The following ROR1 variants were observed in gnomAD, a reference collection of about 807,000 sequenced individuals.
ROR1 encodes ROR family WNT receptor 1.
In ROR1, 19 loss-of-function variants were observed where a neutral mutation model predicts 78.8. The ratio of observed to expected loss-of-function variants is 0.24; its 90% CI spans 0.17 to 0.35. ROR1 has a LOEUF of 0.35. Ranked by LOEUF, ROR1 falls within the 10% of genes least tolerant of loss-of-function variation. ROR1 has a pLI of 1.00. For missense variants in ROR1, 917 were observed against 1,177.8 expected (o/e 0.78, Z 3.24); for synonymous variants, 386 against 433.6 (o/e 0.89, Z 1.36).
At chr1:63,962,682 G>C (rs1274426401) in intron 1 of ROR1, among the ~76,000 whole-genome samples, 1 of 152,192 alleles carries the variant, frequency 6.6e-6, no homozygotes, top group Non-Finnish European at 1.5e-5. Flanking sequence ...CGGGAGTGGA[G>C]AGTGTCACGA....
Position 64,142,533 on chromosome 1 carries a change from C to T in ROR1, c.1057C>T (p.Pro353Ser), listed in dbSNP as rs201109068. ...ACACACTTTCACCGCCCTTCGTTTC[C>T]CAGAGCTGAATGGAGGCCATTCCTA... ...HTHTFTALRF[P>S]ELNGGHSYCR... The change falls in exon 7 of 9, where the codon CCA (proline) becomes TCA (serine). Residue 353 changes from proline (P) to serine (S), a missense_variant. By Grantham distance (74) the Pro-to-Ser change is moderately conservative. Around this residue, in one of 3 missense-constraint regions of ROR1, gnomAD observed 835 missense variants for 1,069.8 expected, o/e 0.78. Transcript: ENST00000371079. The T allele has an allele frequency of 1.2e-6, 2 of 1,614,144 alleles. No homozygotes were observed. The highest frequency in any genetic ancestry group is 8.5e-7 in the Non-Finnish European group (1 of 1,180,012).
intron 1 of ROR1, among the ~76,000 whole-genome samples, chr1:63,887,694 G>A (rs996532909): frequency 6.6e-6 from 1 of 152,048 alleles, no homozygotes; most frequent in Non-Finnish European, 1.5e-5. Context: ...ACAGTTCTTT[G>A]GGGACTGTTT....
chr1:64,016,509 TCA>T (rs1646521572), intron 2 of ROR1, among the ~76,000 whole-genome samples: 1 of 152,130 alleles, frequency 6.6e-6, no homozygotes, highest in Non-Finnish European at 1.5e-5. Flanking sequence ...CATTTGTGGT[TCA>T]CAGTTTATTT....
chr1:64,145,203 G>A (rs940133612), intron 7 of ROR1, among the ~76,000 whole-genome samples: 3 of 152,070 alleles, frequency 2.0e-5, no homozygotes, highest in African/African-American at 4.8e-5. Context: ...GGTTATAAGA[G>A]GAATAAAATG....
intron 1 of ROR1, among the ~76,000 whole-genome samples, chr1:63,923,725 G>C (rs185628182): frequency 5.4e-4 from 81 of 151,304 alleles, no homozygotes; most frequent in African/African-American, 1.8e-3. Context: ...TCATTCATTC[G>C]CTTTTGTAAA....
At chr1:64,024,833 A>G (rs1005259334) in intron 2 of ROR1, among the ~76,000 whole-genome samples, 2 of 152,178 alleles carry the variant, frequency 1.3e-5, no homozygotes, top group Non-Finnish European at 2.9e-5. Context: ...TGTCATTGTT[A>G]TTTTAAATTC....
At chr1:64,074,278 C>A (rs770172874) in intron 4 of ROR1, among the ~76,000 whole-genome samples, 1 of 152,156 alleles carries the variant, frequency 6.6e-6, no homozygotes, top group Non-Finnish European at 1.5e-5. Context: ...CTATAAACAC[C>A]TTTACCCCTC....
intron 1 of ROR1, among the ~76,000 whole-genome samples, chr1:63,896,757 TTTGGGGGGCA>T (rs1645443173): frequency 6.6e-6 from 1 of 152,070 alleles, no homozygotes; most frequent in African/African-American, 2.4e-5. Flanking sequence ...TAACCCTTGA[TTTGGGGGGCA>T]TTGGGGGGCT....
chr1:63,845,111 G>GT (rs1289859790), intron 1 of ROR1, among the ~76,000 whole-genome samples: 1 of 152,058 alleles, frequency 6.6e-6, no homozygotes, highest in African/African-American at 2.4e-5. Flanking sequence ...GGGAGTTTAT[G>GT]TTTTTTTCCC....
intron 1 of ROR1, among the ~76,000 whole-genome samples, chr1:63,878,006 T>G (rs1301983258): frequency 6.6e-6 from 1 of 152,056 alleles, no homozygotes; most frequent in Non-Finnish European, 1.5e-5. Context: ...TCCTCCTGAG[T>G]GAGTAGTGCT....
chr1:64,164,345 T>C (rs567393475), intron 8 of ROR1, among the ~76,000 whole-genome samples: 1 of 152,206 alleles, frequency 6.6e-6, no homozygotes, highest in Non-Finnish European at 1.5e-5. Context: ...AGTAGTCTGA[T>C]ACACTTCAAA....
chr1:63,985,734 T>A (rs537885184), intron 1 of ROR1, among the ~76,000 whole-genome samples: 44 of 150,868 alleles, frequency 2.9e-4, no homozygotes, highest in Admixed American at 7.9e-4. Flanking sequence ...TAATAATTAT[T>A]ATTATTTTAT....
chr1:64,151,685 C>T (rs1649626206), intron 7 of ROR1, among the ~76,000 whole-genome samples: 1 of 146,908 alleles, frequency 6.8e-6, no homozygotes, highest in African/African-American at 2.5e-5. Context: ...CCAGCCTGGC[C>T]AACATGGTGA....
chr1:63,941,282 G>C (rs1025093763), intron 1 of ROR1, among the ~76,000 whole-genome samples: 1 of 152,028 alleles, frequency 6.6e-6, no homozygotes, highest in African/African-American at 2.4e-5. Flanking sequence ...AGGGGCAAAG[G>C]GATATGGTAT....
At chr1:64,112,544 C>T (rs539197704) in intron 4 of ROR1, among the ~76,000 whole-genome samples, 6 of 152,264 alleles carry the variant, frequency 3.9e-5, no homozygotes, top group African/African-American at 9.6e-5. Context: ...TTAATTGATA[C>T]GCCCAGTGGT....
chr1:63,909,500 G>T (rs1219357411), intron 1 of ROR1, among the ~76,000 whole-genome samples: 2 of 152,088 alleles, frequency 1.3e-5, no homozygotes, highest in Non-Finnish European at 2.9e-5. Context: ...GCCACAGTTG[G>T]GTTGTTTAGG....
At chr1:64,104,863 G>C (rs1310256005) in intron 4 of ROR1, among the ~76,000 whole-genome samples, 2 of 152,136 alleles carry the variant, frequency 1.3e-5, no homozygotes, top group African/African-American at 4.8e-5. Flanking sequence ...GTCTATCATT[G>C]ATGGGCATTT....
chr1:64,055,503 A>C (rs1646866636), intron 4 of ROR1, among the ~76,000 whole-genome samples: 1 of 152,242 alleles, frequency 6.6e-6, no homozygotes, highest in African/African-American at 2.4e-5. Flanking sequence ...AGGGCAAGAC[A>C]TGTAGAGAAA....
intron 1 of ROR1, among the ~76,000 whole-genome samples, chr1:63,970,531 A>G (rs1004777133): frequency 6.6e-6 from 1 of 151,958 alleles, no homozygotes; most frequent in East Asian, 1.9e-4. Context: ...AAGCTCTTCA[A>G]CCTCTCTGGC....
Sources: allele counts gnomAD v4.1 joint callset (sites outside exome capture counted in the v4.1 genomes callset), GRCh38; gene constraint gnomAD v4.1.1; regional missense constraint gnomAD v4.1.1; transcripts MANE v1.5; gene names NCBI Gene and HGNC (gene_info 2026-07-23, HGNC 2026-07-21).